Variants in RALGAPA2 observed in about 807,000 individuals in gnomAD.
RALGAPA2 encodes ral GTPase-activating protein subunit alpha-2.
In RALGAPA2, 139 loss-of-function variants were observed where a neutral mutation model predicts 230.4. The ratio of observed to expected loss-of-function variants is 0.60; its 90% CI spans 0.53 to 0.69. The LOEUF is 0.69. Among genes scored for constraint, RALGAPA2 ranks in the 30% least tolerant of loss-of-function variants. The probability of loss-of-function intolerance (pLI) is 0.00; values close to 1 mark genes in which losing one functional copy is unlikely to be tolerated. For synonymous variants in RALGAPA2, 847 were observed against 837.8 expected (o/e 1.01, Z -0.19); for missense variants, 2,163 against 2,276.0 (o/e 0.95, Z 1.01).
chr20:20,567,187 TA>T (rs2064459223), intron 23 of RALGAPA2, among the ~76,000 whole-genome samples: 1 of 152,200 alleles, frequency 6.6e-6, no homozygotes, highest in Non-Finnish European at 1.5e-5. Context: ...AACATGAAAA[TA>T]AAATTCCTTT....
chr20:20,466,140 C>T (rs533523069), intron 37 of RALGAPA2, among the ~76,000 whole-genome samples: 1 of 152,320 alleles, frequency 6.6e-6, no homozygotes, highest in African/African-American at 2.4e-5. Flanking sequence ...CTGTGGTGAC[C>T]GTGACAGCAC....
At chr20:20,609,337 A>G (rs896010045) in intron 14 of RALGAPA2, among the ~76,000 whole-genome samples, 3 of 152,118 alleles carry the variant, frequency 2.0e-5, no homozygotes. Flanking sequence ...TTCTCGATCT[A>G]CCTAACCACT....
At chr20:20,654,315 A>C (rs2067510995) in intron 3 of RALGAPA2, among the ~76,000 whole-genome samples, 1 of 152,126 alleles carries the variant, frequency 6.6e-6, no homozygotes, top group South Asian at 2.1e-4. Context: ...GAGTCTCCCA[A>C]GTAGCTGGGA....
chr20:20,533,882 T>C (rs1279552965), intron 26 of RALGAPA2, among the ~76,000 whole-genome samples: 3 of 152,168 alleles, frequency 2.0e-5, no homozygotes, highest in African/African-American at 7.2e-5. Context: ...CTTAAATGTT[T>C]ATATCTGTGC....
intron 37 of RALGAPA2, among the ~76,000 whole-genome samples, chr20:20,450,034 A>AT (rs1377646034): frequency 1.3e-5 from 2 of 152,064 alleles, no homozygotes; most frequent in Non-Finnish European, 1.5e-5. Flanking sequence ...CTGGGCTTTG[A>AT]TTTTCTCTTT....
intron 1 of RALGAPA2, among the ~76,000 whole-genome samples, chr20:20,708,892 T>G (rs762523282): frequency 6.6e-6 from 1 of 152,118 alleles, no homozygotes; most frequent in Non-Finnish European, 1.5e-5. Flanking sequence ...AACTTTTAAT[T>G]AGAATCTGGC....
intron 24 of RALGAPA2, among the ~76,000 whole-genome samples, chr20:20,544,194 AGAG>A (rs2063721124): frequency 6.6e-6 from 1 of 151,998 alleles, no homozygotes; most frequent in Admixed American, 6.6e-5. Context: ...GGCCCAGGCA[AGAG>A]GATCACGAGA....
At position 20,455,812 on chromosome 20, in the gene RALGAPA2, T is replaced by C. The variant is rs542589154; in HGVS notation, c.5495+17017A>G. Among the ~76,000 whole-genome samples, 12 of 152,336 alleles carry C rather than the reference T, an allele frequency of 7.9e-5. 1 individual carries two copies. In the South Asian group the frequency reaches 2.3e-3, roughly 29 times the overall value. ...AAAGAAATCTCAATGATACAATTTA[T>C]ATGGTTTTCAAAAGATTTTGGGGGA... is the stretch of plus-strand genomic sequence containing the variant. On this transcript the variant is annotated intron_variant, in intron 37 of 39. Coordinates refer to ENST00000202677, the MANE Select transcript of RALGAPA2 (RefSeq NM_020343.4).
At position 20,393,007 on chromosome 20, in the gene RALGAPA2, G is replaced by C. The variant is rs1414531747; in HGVS notation, c.*282C>G. The C allele has an allele frequency of 8.6e-7, 1 of 1,160,624 alleles. No homozygotes were observed. Among genetic ancestry groups the C allele is most frequent in the Non-Finnish European group, 1.1e-6 (1 of 874,776 alleles). The allele number at this position is 1,160,624 out of a possible 1,614,324, so 71.9% of individuals were successfully genotyped here. A position where few individuals can be genotyped will look rare whatever the true frequency, so the allele number is the denominator to read the frequency against. Reference sequence around the variant, plus strand: ...TTTCTTTTCTTCTTTGGAAGTCCAAGGTTTGTGAGGTTTCAGGACAAGATG... The same window carrying C: ...TTTCTTTTCTTCTTTGGAAGTCCAACGTTTGTGAGGTTTCAGGACAAGATG... On this transcript the variant is annotated 3_prime_UTR_variant, in exon 40 of 40. Transcript: ENST00000202677.
intron 34 of RALGAPA2, among the ~76,000 whole-genome samples, chr20:20,504,282 T>G (rs1018276981): frequency 6.6e-6 from 1 of 152,172 alleles, no homozygotes; most frequent in Admixed American, 6.5e-5. Context: ...GGAAGTACAG[T>G]AACTGTTAGA....
chr20:20,529,404 A>C (rs2063312330), intron 27 of RALGAPA2, among the ~76,000 whole-genome samples: 1 of 152,190 alleles, frequency 6.6e-6, no homozygotes, highest in South Asian at 2.1e-4. Context: ...TAATTATAGA[A>C]AAGTTGCAGA....
intron 30 of RALGAPA2, among the ~76,000 whole-genome samples, chr20:20,521,481 C>A (rs1462429398): frequency 6.6e-6 from 1 of 151,950 alleles, no homozygotes; most frequent in Non-Finnish European, 1.5e-5. Flanking sequence ...CAAGCAGAGA[C>A]CATTAGTGCA....
At position 20,391,684 on chromosome 20, in the gene RALGAPA2, T is replaced by C. The variant is rs1569351434; in HGVS notation, c.*1605A>G. 6.6e-6 allele frequency: 1 copy of C among 152,172 alleles called. No homozygotes were observed. Among genetic ancestry groups the C allele is most frequent in the Non-Finnish European group, 1.5e-5 (1 of 68,092 alleles). 9.4% of individuals were successfully genotyped at this position (152,172 alleles called of 1,614,324 possible). ...GAAAAAACTGGCTCCTCAGTGAAAATGGCCGTTCTGATGGGGTGAGAGCCT... is the reference window on the plus strand; with the variant it reads ...GAAAAAACTGGCTCCTCAGTGAAAACGGCCGTTCTGATGGGGTGAGAGCCT... On this transcript the variant is annotated 3_prime_UTR_variant, in exon 40 of 40. Transcript: ENST00000202677.
At chr20:20,701,837 C>G (rs183421752) in intron 1 of RALGAPA2, among the ~76,000 whole-genome samples, 27 of 151,884 alleles carry the variant, frequency 1.8e-4, no homozygotes, top group Non-Finnish European at 3.5e-4. Flanking sequence ...GTCAGGAGTT[C>G]GAGACCAGCC....
Position 20,524,440 on chromosome 20 carries a change from G to T in RALGAPA2, c.3866C>A (p.Ser1289Ter). The T allele has an allele frequency of 2.5e-6, 4 of 1,613,826 alleles. No homozygotes were observed. The highest frequency in any genetic ancestry group is 3.4e-6 in the Non-Finnish European group (4 of 1,179,840). ...ATAATCCAGCAAGGGGGCTCTGGCCGAATGCTGCTCCTCTAGGACTGCTGT... is the reference window on the plus strand; with the variant it reads ...ATAATCCAGCAAGGGGGCTCTGGCCTAATGCTGCTCCTCTAGGACTGCTGT... Reference protein sequence around the residue: ...VSTAVLEEQHSARAPLLDYIY... With the variant: ...VSTAVLEEQH The change falls in exon 30 of 40, where the codon TCG (serine) becomes TAG (stop). Residue 1289 changes from serine (S) to a stop codon, truncating the protein, a stop_gained. Transcript: ENST00000202677. LOFTEE classifies it high-confidence loss of function.
Position 20,598,889 on chromosome 20 carries a change from T to C in RALGAPA2, c.2203+2793A>G, listed in dbSNP as rs376981019. On this transcript the variant is annotated intron_variant, in intron 16 of 39. Transcript: ENST00000202677. ...GACCTTTCACTTTATTATTATTACT[T>C]TTCTGGGCTCTCTTTAAACATTTAA... The C allele has an allele frequency of 3.1e-5, 12 of 384,160 alleles. No individual in the cohort carries two copies. The East Asian group carries it at 3.6e-4, about 12-fold the overall frequency. The allele number at this position is 384,160 out of a possible 1,614,324, so 23.8% of individuals were successfully genotyped here.
chr20:20,620,561 G>T lies in RALGAPA2; in HGVS notation c.1303C>A (p.Leu435Ile). The change falls in exon 11 of 40, where the codon CTC becomes ATC. Residue 435 changes from leucine to isoleucine, a missense_variant. Coordinates refer to ENST00000202677, the MANE Select transcript of RALGAPA2 (RefSeq NM_020343.4). ...TCCATGAACACAGGTTTGTCCTGGA[G>T]AATCCACTTTCTGTACACTTGAACT... is the stretch of plus-strand genomic sequence containing the variant. ...KVVQVYRKWI[L>I]QDKPVFMEEP... 1 of 1,613,844 alleles carries T rather than the reference G, an allele frequency of 6.2e-7. No homozygotes were observed. Among genetic ancestry groups the T allele is most frequent in the South Asian group, 1.1e-5 (1 of 91,068 alleles).
intron 13 of RALGAPA2, among the ~76,000 whole-genome samples, chr20:20,613,517 G>A (rs6046964): frequency 0.085 from 12,932 of 152,190 alleles, 803 homozygotes; most frequent in African/African-American, 0.16. Context: ...CATAAATTAT[G>A]TTATGTCACA....
In RALGAPA2 at chr20:20,521,115, G is replaced by T. The variant is rs902360850; in HGVS notation, c.3901-15C>A. 2 of 1,583,482 alleles carry T rather than the reference G, an allele frequency of 1.3e-6. No homozygotes were observed. The highest frequency in any genetic ancestry group is 1.7e-6 in the Non-Finnish European group (2 of 1,158,452). On this transcript the variant is annotated splice_polypyrimidine_tract_variant and intron_variant, in intron 30 of 39. Coordinates refer to ENST00000202677, the MANE Select transcript of RALGAPA2 (RefSeq NM_020343.4). ...CAGTGCAAAACCTGTGAAAACAGAG[G>T]CCATGTGCACCACGGATGCTACTCA...
Sources: allele counts gnomAD v4.1 joint callset (sites outside exome capture counted in the v4.1 genomes callset), GRCh38; gene constraint gnomAD v4.1.1; transcripts MANE v1.5; gene names NCBI Gene and HGNC (gene_info 2026-07-23, HGNC 2026-07-21).